The following RAB11FIP4 variants were observed in gnomAD, a reference collection of about 807,000 sequenced individuals.
The protein encoded by RAB11FIP4 is RAB11 family interacting protein 4.
In RAB11FIP4, 23 loss-of-function variants were observed where a neutral mutation model predicts 74.3. The ratio of observed to expected loss-of-function variants is 0.31; its 90% CI spans 0.22 to 0.44. The LOEUF (loss-of-function observed/expected upper bound fraction) is 0.44. RAB11FIP4 is among the 20% of genes least tolerant of loss of function. The pLI, the probability that RAB11FIP4 is intolerant of heterozygous loss-of-function variation, is 1.00. For synonymous variants in RAB11FIP4, 360 were observed against 359.9 expected (o/e 1.00, Z 0.00); for missense variants, 630 against 863.9 (o/e 0.73, Z 3.39).
At chr17:31,486,094 C>T (rs1206019627) in intron 3 of RAB11FIP4, among the ~76,000 whole-genome samples, 5 of 151,908 alleles carry the variant, frequency 3.3e-5, no homozygotes, top group South Asian at 2.1e-4. Flanking sequence ...ATTAGCTGGG[C>T]GTGGTGGCAC....
chr17:31,443,160 C>CTTAAAGTACA (rs765154720), intron 3 of RAB11FIP4, among the ~76,000 whole-genome samples: 19 of 152,162 alleles, frequency 1.2e-4, no homozygotes, highest in Non-Finnish European at 2.8e-4. Context: ...AGTTTAACTT[C>CTTAAAGTACA]TTAAAGTACA....
chr17:31,429,466 A>G (rs1432883876), intron 1 of RAB11FIP4, among the ~76,000 whole-genome samples: 1 of 152,338 alleles, frequency 6.6e-6, no homozygotes, highest in Admixed American at 6.5e-5. Flanking sequence ...AGGCTTTGCA[A>G]TCTAGGATTT....
At chr17:31,527,216 C>T (rs2072781414) in intron 10 of RAB11FIP4, 1 of 152,260 alleles carries the variant, frequency 6.6e-6, no homozygotes, top group African/African-American at 2.4e-5. Flanking sequence ...CTCCATCTAG[C>T]AGAAAGACAT....
rs1362364064 is a variant in RAB11FIP4, at chr17:31,533,968, C to A, written c.*2236C>A. The A allele has an allele frequency of 6.6e-6, 1 of 152,234 alleles. No individual in the cohort carries two copies. Among genetic ancestry groups the A allele is most frequent in the African/African-American group, 2.4e-5 (1 of 41,466 alleles). 9.4% of individuals were successfully genotyped at this position (152,234 alleles called of 1,614,324 possible). A position where few individuals can be genotyped will look rare whatever the true frequency, so the allele number is the denominator to read the frequency against. On this transcript the variant is annotated 3_prime_UTR_variant, in exon 15 of 15. Coordinates refer to ENST00000621161, the MANE Select transcript of RAB11FIP4 (RefSeq NM_032932.6). ...TACTTTCTTCAGCCAGAATACATTTCTTGTAAAACCTGGCTTGTTGCTTGG... is the reference window on the plus strand; with the variant it reads ...TACTTTCTTCAGCCAGAATACATTTATTGTAAAACCTGGCTTGTTGCTTGG...
intron 3 of RAB11FIP4, among the ~76,000 whole-genome samples, chr17:31,453,355 CAAAAAAAAAAA>C (rs747844559): frequency 0.16 from 11,633 of 72,216 alleles, 791 homozygotes; most frequent in Middle Eastern, 0.27. Flanking sequence ...GACCCTACCT[CAAAAAAAAAAA>C]AAAAAAAAAA....
At chr17:31,417,769 G>A (rs2071162144) in intron 1 of RAB11FIP4, among the ~76,000 whole-genome samples, 1 of 152,160 alleles carries the variant, frequency 6.6e-6, no homozygotes, top group South Asian at 2.1e-4. Flanking sequence ...TTGCTGTGGG[G>A]GAATATGGGA....
chr17:31,443,095 A>G (rs767928064), intron 3 of RAB11FIP4, among the ~76,000 whole-genome samples: 29 of 152,326 alleles, frequency 1.9e-4, no homozygotes, highest in Non-Finnish European at 4.0e-4. Flanking sequence ...CTGAGTTTTC[A>G]GATCCTTTAA....
intron 3 of RAB11FIP4, among the ~76,000 whole-genome samples, chr17:31,467,200 C>A (rs1403155381): frequency 6.6e-6 from 1 of 152,186 alleles, no homozygotes; most frequent in Non-Finnish European, 1.5e-5. Flanking sequence ...GCAACCTCCA[C>A]TTCCCAGGTT....
At chr17:31,409,558 T>C (rs2071074115) in intron 1 of RAB11FIP4, among the ~76,000 whole-genome samples, 1 of 152,026 alleles carries the variant, frequency 6.6e-6, no homozygotes, top group African/African-American at 2.4e-5. Flanking sequence ...CATTGCAACG[T>C]TGGGTAGAAA....
intron 1 of RAB11FIP4, among the ~76,000 whole-genome samples, chr17:31,419,419 C>T (rs2071177871): frequency 6.6e-6 from 1 of 151,754 alleles, no homozygotes; most frequent in Non-Finnish European, 1.5e-5. Context: ...GCCAGCTTTG[C>T]TGAATAAACC....
intron 3 of RAB11FIP4, among the ~76,000 whole-genome samples, chr17:31,491,356 G>A (rs1162902619): frequency 6.6e-6 from 1 of 152,224 alleles, no homozygotes; most frequent in African/African-American, 2.4e-5. Context: ...ATACAGCAGT[G>A]AACAAAACAG....
chr17:31,480,849 C>T (rs533359003), intron 3 of RAB11FIP4, among the ~76,000 whole-genome samples: 4 of 150,664 alleles, frequency 2.7e-5, no homozygotes, highest in Admixed American at 1.3e-4. Flanking sequence ...TCCAGGGTCT[C>T]TCTATGCCCA....
intron 1 of RAB11FIP4, among the ~76,000 whole-genome samples, chr17:31,403,846 T>C (rs1479853393): frequency 6.6e-6 from 1 of 152,074 alleles, no homozygotes; most frequent in Non-Finnish European, 1.5e-5. Context: ...AAATCTAACA[T>C]TGGAGAAATC....
chr17:31,425,259 A>G (rs186688530), intron 1 of RAB11FIP4, among the ~76,000 whole-genome samples: 23 of 152,388 alleles, frequency 1.5e-4, no homozygotes, highest in Admixed American at 8.5e-4. Flanking sequence ...TGCCTGGCAC[A>G]AAGGAAGGCT....
intron 3 of RAB11FIP4, among the ~76,000 whole-genome samples, chr17:31,441,265 ATCC>A (rs2071405063): frequency 6.6e-6 from 1 of 152,056 alleles, no homozygotes; most frequent in South Asian, 2.1e-4. Flanking sequence ...ACCTCAGGTG[ATCC>A]TCCTGCTTCG....
chr17:31,405,075 T>C (rs1406243284), intron 1 of RAB11FIP4, among the ~76,000 whole-genome samples: 1 of 152,070 alleles, frequency 6.6e-6, no homozygotes, highest in Non-Finnish European at 1.5e-5. Flanking sequence ...CACAGCTCTA[T>C]TGCCTTTAGA....
Position 31,391,783 on chromosome 17 carries a change from C to T in RAB11FIP4, c.-70C>T. The T allele has an allele frequency of 1.0e-6, 1 of 964,810 alleles. No homozygotes were observed. The highest frequency in any genetic ancestry group is 1.2e-6 in the Non-Finnish European group (1 of 813,736). 59.8% of individuals were successfully genotyped at this position (964,810 alleles called of 1,614,324 possible). A position where few individuals can be genotyped will look rare whatever the true frequency, so the allele number is the denominator to read the frequency against. On this transcript the variant is annotated 5_prime_UTR_variant, in exon 1 of 15. Coordinates refer to ENST00000621161, the MANE Select transcript of RAB11FIP4 (RefSeq NM_032932.6). Reference sequence around the variant, plus strand: ...ACGGGCGGCCCCGGAGGGCGCGCGGCGATGGCGGCGGCGGGCAGGCGGCGG... The same window carrying T: ...ACGGGCGGCCCCGGAGGGCGCGCGGTGATGGCGGCGGCGGGCAGGCGGCGG...
At chr17:31,454,497 C>T (rs1771512348) in intron 3 of RAB11FIP4, among the ~76,000 whole-genome samples, 1 of 152,032 alleles carries the variant, frequency 6.6e-6, no homozygotes, top group Non-Finnish European at 1.5e-5. Context: ...TGTTCTCGAA[C>T]CCATGACCTC....
intron 3 of RAB11FIP4, among the ~76,000 whole-genome samples, chr17:31,501,938 G>C (rs926343563): frequency 6.6e-6 from 1 of 152,140 alleles, no homozygotes; most frequent in African/African-American, 2.4e-5. Context: ...AAGTGAGCCC[G>C]GGCATAGTGG....
Sources: allele counts gnomAD v4.1 joint callset (sites outside exome capture counted in the v4.1 genomes callset), GRCh38; gene constraint gnomAD v4.1.1; transcripts MANE v1.5; gene names NCBI Gene and HGNC (gene_info 2026-07-23, HGNC 2026-07-21).